Variants in NKAIN2 observed in about 807,000 individuals in gnomAD.
NKAIN2 encodes the protein sodium/potassium-transporting ATPase subunit beta-1-interacting protein 2.
A neutral mutation model predicts 32.6 loss-of-function variants in NKAIN2; 14 were observed. The observed-to-expected ratio is 0.43, with a 90% confidence interval of 0.28 to 0.67. The LOEUF (loss-of-function observed/expected upper bound fraction) is 0.67. NKAIN2 is among the 30% of genes least tolerant of loss of function. The pLI, the probability that NKAIN2 is intolerant of heterozygous loss-of-function variation, is 0.17. For missense variants in NKAIN2, 198 were observed against 258.3 expected (o/e 0.77, Z 1.60); for synonymous variants, 80 against 87.2 (o/e 0.92, Z 0.46).
At chr6:124,253,145 G>C (rs1355194439) in intron 1 of NKAIN2, among the ~76,000 whole-genome samples, 1 of 152,064 alleles carries the variant, frequency 6.6e-6, no homozygotes, top group African/African-American at 2.4e-5. Context: ...GTCTATCCCT[G>C]TATTTATTTC....
chr6:124,530,989 C>G (rs2114820653), intron 3 of NKAIN2, among the ~76,000 whole-genome samples: 1 of 152,268 alleles, frequency 6.6e-6, no homozygotes, highest in South Asian at 2.1e-4. Flanking sequence ...CAGTCCAAAG[C>G]TAATCTCTTC....
intron 4 of NKAIN2, among the ~76,000 whole-genome samples, chr6:124,706,671 T>C (rs888157240): frequency 2.0e-5 from 3 of 152,174 alleles, no homozygotes; most frequent in Non-Finnish European, 2.9e-5. Flanking sequence ...AAATAAGTGG[T>C]CAAAGAGCAG....
At chr6:124,119,621 G>A (rs163292) in intron 1 of NKAIN2, among the ~76,000 whole-genome samples, 93,218 of 152,138 alleles carry the variant, frequency 0.61, 28,772 homozygotes, top group East Asian at 0.74. Context: ...AACATGGACT[G>A]TATAAGCATC....
chr6:124,058,034 A>C (rs1782742405), intron 1 of NKAIN2, among the ~76,000 whole-genome samples: 1 of 152,110 alleles, frequency 6.6e-6, no homozygotes, highest in Non-Finnish European at 1.5e-5. Flanking sequence ...CAATGAGATT[A>C]GATAATAGTT....
intron 4 of NKAIN2, among the ~76,000 whole-genome samples, chr6:124,784,209 A>G (rs1779400198): frequency 6.6e-6 from 1 of 152,184 alleles, no homozygotes; most frequent in Admixed American, 6.6e-5. Context: ...ATTATATGAA[A>G]TAAAATGAGA....
chr6:123,928,196 A>C (rs1179766926), intron 1 of NKAIN2, among the ~76,000 whole-genome samples: 4 of 152,174 alleles, frequency 2.6e-5, no homozygotes, highest in Non-Finnish European at 5.9e-5. Context: ...TGGGAGCTAA[A>C]CATTGAGTAC....
At chr6:124,477,853 CCT>C (rs199900065) in intron 3 of NKAIN2, among the ~76,000 whole-genome samples, 9 of 142,100 alleles carry the variant, frequency 6.3e-5, no homozygotes, top group Non-Finnish European at 7.7e-5. Context: ...TCCTCTTCTT[CCT>C]CTCTCTCTCT....
chr6:124,144,700 A>C (rs1444362237), intron 1 of NKAIN2, among the ~76,000 whole-genome samples: 2 of 152,162 alleles, frequency 1.3e-5, no homozygotes, highest in Middle Eastern at 3.2e-3. Flanking sequence ...GTATAGAAGA[A>C]AATGCTCACA....
At chr6:124,528,085 T>G (rs1350881484) in intron 3 of NKAIN2, among the ~76,000 whole-genome samples, 1 of 152,152 alleles carries the variant, frequency 6.6e-6, no homozygotes, top group African/African-American at 2.4e-5. Context: ...CTGTGGAAGA[T>G]CAGCAGCAAT....
At chr6:124,416,365 C>G (rs1774488157) in intron 3 of NKAIN2, among the ~76,000 whole-genome samples, 2 of 152,150 alleles carry the variant, frequency 1.3e-5, no homozygotes, top group Non-Finnish European at 2.9e-5. Context: ...GGTATCAGGC[C>G]AGCTATGGTG....
intron 1 of NKAIN2, among the ~76,000 whole-genome samples, chr6:124,228,851 A>T (rs1459648050): frequency 6.6e-6 from 1 of 152,202 alleles, no homozygotes; most frequent in East Asian, 1.9e-4. Context: ...TGTATACCAG[A>T]TATACTTTCA....
intron 4 of NKAIN2, among the ~76,000 whole-genome samples, chr6:124,749,590 T>G (rs998756899): frequency 2.0e-5 from 3 of 151,652 alleles, no homozygotes; most frequent in African/African-American, 7.2e-5. Context: ...GGAGTCACAC[T>G]GTGTGCATCG....
chr6:123,819,650 G>A (rs963878494), intron 1 of NKAIN2, among the ~76,000 whole-genome samples: 20 of 152,298 alleles, frequency 1.3e-4, no homozygotes, highest in Middle Eastern at 3.4e-3. Flanking sequence ...GCAACGCAAC[G>A]GAAAGCTGGT....
At chr6:123,891,771 A>G (rs1270719372) in intron 1 of NKAIN2, among the ~76,000 whole-genome samples, 1 of 152,226 alleles carries the variant, frequency 6.6e-6, no homozygotes, top group Admixed American at 6.5e-5. Flanking sequence ...CAACAAACCA[A>G]TAAGCTAAAG....
chr6:124,373,971 G>A (rs1434301350), intron 3 of NKAIN2, among the ~76,000 whole-genome samples: 1 of 152,022 alleles, frequency 6.6e-6, no homozygotes, highest in African/African-American at 2.4e-5. Context: ...TTGTTCATTT[G>A]TTTTTGTTGG....
chr6:124,583,929 T>A (rs962632734), intron 3 of NKAIN2, among the ~76,000 whole-genome samples: 2 of 152,178 alleles, frequency 1.3e-5, no homozygotes, highest in African/African-American at 4.8e-5. Context: ...CTGGGAAAAC[T>A]GGATATTCAT....
At chr6:123,908,771 TG>T (rs1775016085) in intron 1 of NKAIN2, among the ~76,000 whole-genome samples, 1 of 152,216 alleles carries the variant, frequency 6.6e-6, no homozygotes, top group Non-Finnish European at 1.5e-5. Flanking sequence ...TTTTACTTTT[TG>T]GAAAAAATAA....
rs149808672 is a variant in NKAIN2, at chr6:124,299,632, A to G, written c.192+16490A>G. Among the ~76,000 whole-genome samples, 1,466 of 152,298 alleles carry G rather than the reference A, an allele frequency of 9.6e-3. 20 individuals carry two copies. The highest frequency in any genetic ancestry group is 0.034 in the African/African-American group (1,396 of 41,566). ...CATCGTCATAGATATTAGTATGCAT[A>G]TATGCAAAATTCCATGATTTTTCTT... On this transcript the variant is annotated intron_variant, in intron 2 of 6. Transcript: ENST00000368417.
At chr6:124,381,563 A>T (rs1562143383) in intron 3 of NKAIN2, among the ~76,000 whole-genome samples, 1 of 151,992 alleles carries the variant, frequency 6.6e-6, no homozygotes, top group Non-Finnish European at 1.5e-5. Flanking sequence ...ACTAATGCAA[A>T]CCCCTGGGAT....
Sources: gnomAD v4.1 joint callset for allele counts (sites outside exome capture counted in the v4.1 genomes callset) on GRCh38, gnomAD v4.1.1 for gene constraint, MANE v1.5 for transcripts, NCBI Gene and HGNC (gene_info 2026-07-23, HGNC 2026-07-21) for gene names.